Variants in CADM2 observed in about 807,000 individuals in gnomAD.
CADM2 encodes the protein cell adhesion molecule 2, also known as immunoglobulin superfamily member 4D.
CADM2 carries 12 observed loss-of-function variants against 49.8 expected under a neutral mutation model. The observed-to-expected ratio is 0.24, with a 90% CI of 0.15 to 0.39. CADM2 has a LOEUF of 0.39. Ranked by LOEUF, CADM2 falls within the 10% of genes least tolerant of loss-of-function variation. The pLI is 1.00. For synonymous variants in CADM2, 214 were observed against 175.4 expected, an observed-to-expected ratio of 1.22 and a Z score of -1.74; for missense variants, 378 against 492.3, an observed-to-expected ratio of 0.77 and a Z score of 2.20.
At chr3:85,654,369 A>G (rs1188302677) in intron 1 of CADM2, among the ~76,000 whole-genome samples, 2 of 152,198 alleles carry the variant, frequency 1.3e-5, no homozygotes, top group African/African-American at 2.4e-5. Flanking sequence ...CACAGGAGGA[A>G]CACAAGGCTT....
chr3:85,647,954 C>A (rs991186351), intron 1 of CADM2, among the ~76,000 whole-genome samples: 1 of 151,822 alleles, frequency 6.6e-6, no homozygotes, highest in Non-Finnish European at 1.5e-5. Context: ...TTCCATGTAT[C>A]CCATCTATGT....
chr3:85,144,136 G>A (rs1423721431), intron 1 of CADM2, among the ~76,000 whole-genome samples: 1 of 151,866 alleles, frequency 6.6e-6, no homozygotes, highest in Non-Finnish European at 1.5e-5. Context: ...TACAGACTCT[G>A]TTAACTATTT....
intron 1 of CADM2, among the ~76,000 whole-genome samples, chr3:85,378,602 A>G (rs2033724436): frequency 6.6e-6 from 1 of 152,056 alleles, no homozygotes; most frequent in African/African-American, 2.4e-5. Flanking sequence ...GGTATTCTTT[A>G]TGTATACCCT....
At chr3:85,477,284 A>ATTAG (rs2039017648) in intron 1 of CADM2, among the ~76,000 whole-genome samples, 1 of 151,598 alleles carries the variant, frequency 6.6e-6, no homozygotes, top group African/African-American at 2.4e-5. Context: ...ACAGACACGT[A>ATTAG]TTAGTTATTT....
intron 8 of CADM2, among the ~76,000 whole-genome samples, chr3:85,974,181 T>C (rs986436377): frequency 1.3e-5 from 2 of 151,646 alleles, no homozygotes; most frequent in Admixed American, 1.3e-4. Context: ...AGATATTAAC[T>C]CTTTGCAGAA....
chr3:85,266,122 T>C (rs1196550888), intron 1 of CADM2, among the ~76,000 whole-genome samples: 1 of 151,918 alleles, frequency 6.6e-6, no homozygotes, highest in East Asian at 1.9e-4. Context: ...TATGCTCTGT[T>C]ACCTGTCTGT....
chr3:85,365,316 C>G (rs940779934), intron 1 of CADM2, among the ~76,000 whole-genome samples: 1 of 151,182 alleles, frequency 6.6e-6, no homozygotes, highest in Non-Finnish European at 1.5e-5. Context: ...CTTTGCCACC[C>G]TGACTGATAC....
At chr3:85,694,749 T>G (rs1277121274) in intron 1 of CADM2, among the ~76,000 whole-genome samples, 1 of 152,144 alleles carries the variant, frequency 6.6e-6, no homozygotes, top group South Asian at 2.1e-4. Context: ...GTGTCTTCAC[T>G]GAGTCAATGG....
intron 1 of CADM2, among the ~76,000 whole-genome samples, chr3:85,579,777 A>G (rs1576854512): frequency 1.3e-5 from 2 of 152,274 alleles, no homozygotes; most frequent in East Asian, 3.9e-4. Flanking sequence ...ATATAGATTT[A>G]TATAGATATC....
At chr3:85,494,825 GC>G (rs1330930849) in intron 1 of CADM2, among the ~76,000 whole-genome samples, 2 of 152,130 alleles carry the variant, frequency 1.3e-5, no homozygotes, top group African/African-American at 4.8e-5. Context: ...ATAAATGGTG[GC>G]CCTAGGGAAA....
At chr3:85,767,779 A>G (rs1053617206) in intron 2 of CADM2, among the ~76,000 whole-genome samples, 2 of 152,170 alleles carry the variant, frequency 1.3e-5, no homozygotes, top group Admixed American at 1.3e-4. Flanking sequence ...GAAGGACAAT[A>G]TGATGCACAT....
chr3:86,061,017 T>C (rs1236791999), intron 8 of CADM2, among the ~76,000 whole-genome samples: 1 of 150,458 alleles, frequency 6.6e-6, no homozygotes, highest in East Asian at 2.0e-4. Context: ...ATAACAGCTT[T>C]GAATATTTTT....
intron 6 of CADM2, among the ~76,000 whole-genome samples, chr3:85,925,153 T>C (rs1719661938): frequency 1.4e-5 from 1 of 72,150 alleles, no homozygotes; most frequent in South Asian, 4.1e-4. Context: ...ATGTATAATC[T>C]ATCCTGGCAA....
intron 1 of CADM2, among the ~76,000 whole-genome samples, chr3:85,154,839 A>T (rs373733863): frequency 3.7e-3 from 507 of 138,628 alleles, no homozygotes; most frequent in African/African-American, 7.1e-3. Flanking sequence ...CAGCCAAACT[A>T]AGCTTCATAA....
intron 8 of CADM2, among the ~76,000 whole-genome samples, chr3:85,967,092 G>A (rs1352311669): frequency 6.6e-6 from 1 of 151,494 alleles, no homozygotes; most frequent in Non-Finnish European, 1.5e-5. Context: ...AATAATAAAT[G>A]TCAAAAAACA....
intron 1 of CADM2, among the ~76,000 whole-genome samples, chr3:85,409,817 A>C (rs1469614534): frequency 6.6e-6 from 1 of 152,166 alleles, no homozygotes; most frequent in African/African-American, 2.4e-5. Context: ...AGTATAGCAG[A>C]AGTTAGATGG....
intron 1 of CADM2, among the ~76,000 whole-genome samples, chr3:85,528,759 A>G (rs550206645): frequency 3.3e-5 from 5 of 152,284 alleles, no homozygotes; most frequent in African/African-American, 4.8e-5. Context: ...CCTCCATTTT[A>G]TGTACTTCTA....
chr3:85,276,624 G>T (rs936120772), intron 1 of CADM2, among the ~76,000 whole-genome samples: 1 of 151,154 alleles, frequency 6.6e-6, no homozygotes, highest in African/African-American at 2.4e-5. Flanking sequence ...TTAGGCTAAT[G>T]TAAATGTAAG....
intron 1 of CADM2, among the ~76,000 whole-genome samples, chr3:85,007,721 G>A (rs1037474969): frequency 1.3e-5 from 2 of 151,852 alleles, no homozygotes; most frequent in African/African-American, 2.4e-5. Flanking sequence ...TTTTGAATCT[G>A]AGATTGAATC....
Sources: gnomAD v4.1 joint callset for allele counts (sites outside exome capture counted in the v4.1 genomes callset) on GRCh38, gnomAD v4.1.1 for gene constraint, MANE v1.5 for transcripts, NCBI Gene and HGNC (gene_info 2026-07-23, HGNC 2026-07-21) for gene names.